Variants in ARMC8 observed in about 807,000 individuals in gnomAD.
The protein encoded by ARMC8 is armadillo repeat containing 8, also known as armadillo repeat-containing protein 8.
ARMC8 carries 20 observed loss-of-function variants against 99.3 expected under a neutral mutation model. That is an observed-to-expected ratio of 0.20 (90% CI 0.14 to 0.29). The LOEUF (loss-of-function observed/expected upper bound fraction) is 0.29, where lower values mean the gene tolerates loss of function less well. Ranked by LOEUF, ARMC8 falls within the 10% of genes least tolerant of loss-of-function variation. The pLI is 1.00. For missense variants in ARMC8, 569 were observed against 809.5 expected, an observed-to-expected ratio of 0.70 and a Z score of 3.60; for synonymous variants, 263 against 278.3, an observed-to-expected ratio of 0.95 and a Z score of 0.55.
At chr3:138,211,254 C>T (rs2044680436) in intron 2 of ARMC8, among the ~76,000 whole-genome samples, 1 of 152,072 alleles carries the variant, frequency 6.6e-6, no homozygotes, top group Non-Finnish European at 1.5e-5. Context: ...CTAAGTATTA[C>T]TTAAAATTAC....
chr3:138,245,545 A>G lies in ARMC8; in HGVS notation c.1134+362A>G, dbSNP rs1428217028. On this transcript the variant is annotated intron_variant, in intron 12 of 21. Coordinates refer to ENST00000469044, the MANE Select transcript of ARMC8 (RefSeq NM_001363941.2). Reference sequence around the variant, plus strand: ...AACATTAGAATTGTAAATGTTATTTATGGAAATACCTTCCAATGCTATTGA... The same window carrying G: ...AACATTAGAATTGTAAATGTTATTTGTGGAAATACCTTCCAATGCTATTGA... 7.2e-6 allele frequency: 8 copies of G among 1,115,626 alleles called. No homozygotes were observed. The South Asian group carries it at 2.9e-4, about 41-fold the overall frequency. The allele number at this position is 1,115,626 out of a possible 1,614,324, so 69.1% of individuals were successfully genotyped here.
chr3:138,233,783 A>G (rs1482240222), intron 6 of ARMC8, among the ~76,000 whole-genome samples: 1 of 152,186 alleles, frequency 6.6e-6, no homozygotes, highest in East Asian at 1.9e-4. Flanking sequence ...CACTTGCTGG[A>G]CCAATAACTG....
chr3:138,231,759 C>T (rs533114747), intron 6 of ARMC8, among the ~76,000 whole-genome samples: 23 of 150,714 alleles, frequency 1.5e-4, no homozygotes, highest in East Asian at 7.9e-4. Context: ...GCCTGGGCAA[C>T]GTAGTGAGAC....
At chr3:138,257,014 A>G (rs2047442002) in intron 12 of ARMC8, among the ~76,000 whole-genome samples, 1 of 152,204 alleles carries the variant, frequency 6.6e-6, no homozygotes, top group Non-Finnish European at 1.5e-5. Context: ...CAGTGACTTA[A>G]TCTTTCTGAA....
At chr3:138,192,212 G>T (rs1056495455) in intron 1 of ARMC8, among the ~76,000 whole-genome samples, 1 of 150,928 alleles carries the variant, frequency 6.6e-6, no homozygotes, top group South Asian at 2.1e-4. Context: ...ATCTCATCAT[G>T]GTCTTAATTT....
chr3:138,226,160 T>A (rs551702563), intron 5 of ARMC8, among the ~76,000 whole-genome samples: 22 of 151,990 alleles, frequency 1.4e-4, no homozygotes, highest in Non-Finnish European at 2.2e-4. Flanking sequence ...GACCGGCTAA[T>A]TTTTTTTGTA....
At chr3:138,263,702 A>C (rs371229200) in intron 12 of ARMC8, 37 bp from the exon 13 acceptor site, 1 of 1,530,312 alleles carries the variant, frequency 6.5e-7, no homozygotes, top group African/African-American at 1.4e-5. Flanking sequence ...TGTCACCTTC[A>C]TGTTGTTATT....
intron 12 of ARMC8, among the ~76,000 whole-genome samples, chr3:138,256,305 C>A (rs2047396993): frequency 6.6e-6 from 1 of 151,372 alleles, no homozygotes; most frequent in South Asian, 2.1e-4. Flanking sequence ...GGCATCCTCT[C>A]TGAGCTTTGC....
At chr3:138,216,488 C>T (rs1005298082) in intron 2 of ARMC8, among the ~76,000 whole-genome samples, 1 of 152,106 alleles carries the variant, frequency 6.6e-6, no homozygotes, top group East Asian at 1.9e-4. Context: ...TATGAATATA[C>T]CTCATTCCTT....
At chr3:138,279,812 T>C (rs1437864502) in intron 18 of ARMC8, among the ~76,000 whole-genome samples, 1 of 152,218 alleles carries the variant, frequency 6.6e-6, no homozygotes, top group Non-Finnish European at 1.5e-5. Flanking sequence ...GTTTTCAAAT[T>C]TGTTAACATA....
chr3:138,288,657 G>A (rs1419869244), intron 19 of ARMC8, among the ~76,000 whole-genome samples: 1 of 43,280 alleles, frequency 2.3e-5, no homozygotes, highest in Non-Finnish European at 4.4e-5. Context: ...TTTTTTTTTT[G>A]AGACGGAGTC....
At chr3:138,227,106 A>G (rs2045736891) in intron 5 of ARMC8, among the ~76,000 whole-genome samples, 1 of 152,202 alleles carries the variant, frequency 6.6e-6, no homozygotes, top group African/African-American at 2.4e-5. Context: ...GTCCAGTAAA[A>G]AGACAGCAGG....
chr3:138,251,265 A>G (rs1195260202), intron 12 of ARMC8, among the ~76,000 whole-genome samples: 1 of 152,132 alleles, frequency 6.6e-6, no homozygotes, highest in East Asian at 1.9e-4. Flanking sequence ...CCGTGAATTT[A>G]TATTGTTAAA....
chr3:138,290,813 A>G (rs80294522), intron 21 of ARMC8, among the ~76,000 whole-genome samples, 174 bp downstream of exon 21: 7,656 of 152,266 alleles, frequency 0.05, 634 homozygotes, highest in African/African-American at 0.17. Context: ...GTAAACTAAT[A>G]ATTACCAAAT....
At chr3:138,253,008 A>G (rs967224757) in intron 12 of ARMC8, among the ~76,000 whole-genome samples, 2 of 152,014 alleles carry the variant, frequency 1.3e-5, no homozygotes, top group African/African-American at 4.8e-5. Context: ...GAAAAATTAG[A>G]TTAAAACTAT....
At chr3:138,268,367 A>T (rs536916390) in intron 15 of ARMC8, among the ~76,000 whole-genome samples, 1 of 152,288 alleles carries the variant, frequency 6.6e-6, no homozygotes, top group South Asian at 2.1e-4. Context: ...CAAAACAGAC[A>T]CCAGAGCTTC....
intron 8 of ARMC8, 47 bp from the exon 9 acceptor site, chr3:138,237,435 T>C (rs1307771251): frequency 6.2e-7 from 1 of 1,611,304 alleles, no homozygotes; most frequent in Non-Finnish European, 8.5e-7. Context: ...ATGAACTTTT[T>C]AGATTTAAAG....
At chr3:138,293,328 T>G (rs1261802747) in intron 21 of ARMC8, among the ~76,000 whole-genome samples, 3 of 151,998 alleles carry the variant, frequency 2.0e-5, no homozygotes, top group African/African-American at 7.2e-5. Flanking sequence ...GATTATGAGG[T>G]CAGGAGTTCG....
intron 18 of ARMC8, among the ~76,000 whole-genome samples, chr3:138,278,054 A>C (rs1189110949): frequency 6.6e-6 from 1 of 152,242 alleles, no homozygotes; most frequent in Non-Finnish European, 1.5e-5. Flanking sequence ...TGTAAAAGAC[A>C]AAACAGTAGA....
Sources: gnomAD v4.1 joint callset for allele counts (sites outside exome capture counted in the v4.1 genomes callset) on GRCh38, gnomAD v4.1.1 for gene constraint, MANE v1.5 for transcripts, NCBI Gene and HGNC (gene_info 2026-07-23, HGNC 2026-07-21) for gene names.